The following RANBP2 variants were observed in gnomAD, a reference collection of about 807,000 sequenced individuals.
RANBP2 encodes E3 SUMO-protein ligase RanBP2.
Under a neutral mutation model 303.6 loss-of-function variants are expected in RANBP2, and 57 were observed. The observed-to-expected ratio is 0.19, with a 90% confidence interval of 0.15 to 0.23. The LOEUF is 0.23. Among genes scored for constraint, RANBP2 ranks in the 10% least tolerant of loss-of-function variants. RANBP2 has a pLI of 1.00. For missense variants in RANBP2, 3,138 were observed against 3,780.8 expected (o/e 0.83, Z 4.46); for synonymous variants, 1,167 against 1,301.5 (o/e 0.90, Z 2.23).
At chr2:108,957,781 G>C in the RANBP2 span, among the ~76,000 whole-genome samples, 1 of 152,186 alleles carries the variant, frequency 6.6e-6, no homozygotes, top group African/African-American at 2.4e-5. Context: ...AAAGCAAAGG[G>C]TATTTCTTTC....
At chr2:109,170,286 TCTCTTCTCTTCTCTTCTC>T in the RANBP2 span, among the ~76,000 whole-genome samples, 3 of 103,382 alleles carry the variant, frequency 2.9e-5, no homozygotes, top group Admixed American at 1.1e-4. Context: ...TCTCTTCTCT[TCTCTTCTCTTCTCTTCTC>T]TTCTCTTCTC....
At chr2:109,511,600 G>A in the RANBP2 span, among the ~76,000 whole-genome samples, 6 of 152,314 alleles carry the variant, frequency 3.9e-5, no homozygotes, top group Admixed American at 3.3e-4. Context: ...GAAGGTGGGA[G>A]CCTGCAGGGA....
the RANBP2 span, chr2:108,910,725 C>T: frequency 1.2e-6 from 2 of 1,602,842 alleles, no homozygotes; most frequent in Non-Finnish European, 8.5e-7. Flanking sequence ...ACGCCCTCCA[C>T]CCAGAGATGG....
chr2:109,506,470 G>C, the RANBP2 span, among the ~76,000 whole-genome samples: 1 of 152,356 alleles, frequency 6.6e-6, no homozygotes, highest in South Asian at 2.1e-4. Flanking sequence ...GGACCCTGGA[G>C]AGAGGGAGCC....
chr2:108,803,104 A>G, the RANBP2 span, among the ~76,000 whole-genome samples: 4 of 152,302 alleles, frequency 2.6e-5, no homozygotes, highest in South Asian at 2.1e-4. Flanking sequence ...AGCTTTTGCT[A>G]TGCTGCTCTG....
the RANBP2 span, among the ~76,000 whole-genome samples, chr2:108,960,383 G>A: frequency 6.6e-6 from 1 of 152,232 alleles, no homozygotes; most frequent in East Asian, 1.9e-4. Context: ...CGCTCTTGCT[G>A]ATGAATGCCT....
the RANBP2 span, among the ~76,000 whole-genome samples, chr2:109,340,649 C>G: frequency 4.3e-4 from 65 of 152,288 alleles, no homozygotes; most frequent in Non-Finnish European, 8.1e-4. Context: ...TTTGCCTCAG[C>G]AAGTAGTCAA....
the RANBP2 span, among the ~76,000 whole-genome samples, chr2:109,140,674 C>G: frequency 6.6e-6 from 1 of 152,196 alleles, no homozygotes; most frequent in African/African-American, 2.4e-5. Flanking sequence ...AGCCACCATG[C>G]CCGGCCAATT....
the RANBP2 span, among the ~76,000 whole-genome samples, chr2:109,630,383 A>G: frequency 6.6e-6 from 1 of 152,012 alleles, no homozygotes; most frequent in Non-Finnish European, 1.5e-5. Flanking sequence ...CAATCATCCC[A>G]AGGCCAGGTA....
At chr2:109,040,722 T>C in the RANBP2 span, among the ~76,000 whole-genome samples, 44 of 152,322 alleles carry the variant, frequency 2.9e-4, no homozygotes, top group Non-Finnish European at 3.4e-4. Context: ...AAACCTTTCC[T>C]ATTATACCTC....
At chr2:109,142,492 A>T in the RANBP2 span, among the ~76,000 whole-genome samples, 1 of 152,196 alleles carries the variant, frequency 6.6e-6, no homozygotes, top group Non-Finnish European at 1.5e-5. Flanking sequence ...GCTTGCAGGC[A>T]CAGCGGCCGA....
chr2:108,807,955 A>G, the RANBP2 span, among the ~76,000 whole-genome samples: 1 of 152,138 alleles, frequency 6.6e-6, no homozygotes, highest in Non-Finnish European at 1.5e-5. Flanking sequence ...ACTTCTCCAC[A>G]TTCCTTCCTT....
At chr2:109,395,578 A>G in the RANBP2 span, among the ~76,000 whole-genome samples, 2 of 152,088 alleles carry the variant, frequency 1.3e-5, no homozygotes, top group Non-Finnish European at 2.9e-5. Flanking sequence ...CACTTTCAGC[A>G]CCGGCCTTCG....
At chr2:109,307,237 A>G in the RANBP2 span, among the ~76,000 whole-genome samples, 1 of 152,242 alleles carries the variant, frequency 6.6e-6, no homozygotes, top group East Asian at 1.9e-4. Flanking sequence ...CTTTTTGCAC[A>G]TTGGACTTGT....
chr2:109,003,024 G>A, the RANBP2 span, among the ~76,000 whole-genome samples: 1 of 151,888 alleles, frequency 6.6e-6, no homozygotes, highest in Non-Finnish European at 1.5e-5. Flanking sequence ...TGGCCAATAT[G>A]GTGAAACCCC....
At chr2:109,591,257 CAT>C in the RANBP2 span, among the ~76,000 whole-genome samples, 1 of 152,126 alleles carries the variant, frequency 6.6e-6, no homozygotes, top group Non-Finnish European at 1.5e-5. Context: ...ATGCTTATTA[CAT>C]AAAAGTTGAA....
chr2:109,049,736 A>G, the RANBP2 span, among the ~76,000 whole-genome samples: 1 of 152,224 alleles, frequency 6.6e-6, no homozygotes, highest in Non-Finnish European at 1.5e-5. Flanking sequence ...TTATCTGTCA[A>G]GCTTTTATGA....
At chr2:108,932,860 T>C in the RANBP2 span, among the ~76,000 whole-genome samples, 9 of 152,194 alleles carry the variant, frequency 5.9e-5, no homozygotes, top group Non-Finnish European at 7.4e-5. Flanking sequence ...AGGCTGCTGC[T>C]TAACTTGTGG....
the RANBP2 span, among the ~76,000 whole-genome samples, chr2:109,727,616 C>T: frequency 1.3e-5 from 2 of 152,130 alleles, no homozygotes; most frequent in African/African-American, 4.8e-5. Context: ...TCAGGTCCAG[C>T]GAGTCAGTGA....
Sources: allele counts gnomAD v4.1 joint callset (sites outside exome capture counted in the v4.1 genomes callset), GRCh38; gene constraint gnomAD v4.1.1; transcripts MANE v1.5; gene names NCBI Gene and HGNC (gene_info 2026-07-23, HGNC 2026-07-21).